The following DPYSL5 variants were observed in gnomAD, a reference collection of about 807,000 sequenced individuals.
The protein encoded by DPYSL5 is dihydropyrimidinase like 5, also known as dihydropyrimidinase-related protein 5.
In DPYSL5, 9 loss-of-function variants were observed where a neutral mutation model predicts 58.4. That is an observed-to-expected ratio of 0.15 (90% CI 0.09 to 0.27). DPYSL5 has a LOEUF of 0.27. DPYSL5 is among the 10% of genes least tolerant of loss of function. DPYSL5 has a pLI of 1.00. For synonymous variants in DPYSL5, 293 were observed against 301.9 expected (o/e 0.97, Z 0.31); for missense variants, 499 against 770.6 (o/e 0.65, Z 4.17).
chr2:26,887,783 G>T lies in DPYSL5; in HGVS notation c.-4-10713G>T, dbSNP rs900483963. Among the ~76,000 whole-genome samples, 3 of 150,110 alleles carry T rather than the reference G, an allele frequency of 2.0e-5. No individual in the cohort carries two copies. The East Asian group carries it at 5.8e-4, about 29-fold the overall frequency. The stretch of plus-strand genomic sequence containing the variant: ...GACTGCACTCCCTAGTTACAGTATT[G>T]TCCCCTCCCCACCATCCCACTTCCA... On this transcript the variant is annotated intron_variant, in intron 1 of 12. Coordinates refer to ENST00000288699, the MANE Select transcript of DPYSL5 (RefSeq NM_020134.4).
At chr2:26,940,720 G>C (rs1665296350) in intron 9 of DPYSL5, among the ~76,000 whole-genome samples, 1 of 151,338 alleles carries the variant, frequency 6.6e-6, no homozygotes, top group Non-Finnish European at 1.5e-5. Flanking sequence ...ACTATACCCT[G>C]AGTGTCTCCC....
intron 1 of DPYSL5, among the ~76,000 whole-genome samples, chr2:26,870,661 C>G (rs1172244444): frequency 1.3e-5 from 2 of 150,412 alleles, no homozygotes; most frequent in African/African-American, 2.5e-5. Flanking sequence ...AGCTATGATC[C>G]GCCACTGCAC....
chr2:26,947,324 G>A lies in DPYSL5; in HGVS notation c.*329G>A. ...CTTCCTCTCACTCCTGCCTCCGCTG[G>A]CTTTGGGAAAGCCCAGACTTTAGTG... On this transcript the variant is annotated 3_prime_UTR_variant, in exon 13 of 13. Transcript: ENST00000288699. This position sits in a 1 kb window ranked among gnomAD's most constrained non-coding sequence, Gnocchi z 4.2. 4.4e-6 allele frequency: 1 copy of A among 226,646 alleles called. No homozygotes were observed. The highest frequency in any genetic ancestry group is 8.8e-6 in the Non-Finnish European group (1 of 113,272). The allele number at this position is 226,646 out of a possible 1,614,324, so 14.0% of individuals were successfully genotyped here.
chr2:26,931,571 G>A (rs1664988538), intron 5 of DPYSL5, 69 bp from the exon 6 acceptor site: 18 of 1,595,802 alleles, frequency 1.1e-5, no homozygotes, highest in Admixed American at 1.7e-5. Context: ...ATGAAGGGGA[G>A]AGTATGGTGT....
chr2:26,931,589 C>T, intron 5 of DPYSL5, 51 bp from the exon 6 acceptor site: 1 of 1,609,928 alleles, frequency 6.2e-7, no homozygotes. Flanking sequence ...TGTGGGTATC[C>T]TTGGAGGAGA....
intron 1 of DPYSL5, among the ~76,000 whole-genome samples, chr2:26,869,565 A>C (rs2148115991): frequency 6.6e-6 from 1 of 152,194 alleles, no homozygotes; most frequent in Non-Finnish European, 1.5e-5. Flanking sequence ...TTAGTGTTTT[A>C]TTCTTTACAA....
chr2:26,869,291 T>C (rs1046318130), intron 1 of DPYSL5, among the ~76,000 whole-genome samples: 1 of 152,226 alleles, frequency 6.6e-6, no homozygotes, highest in African/African-American at 2.4e-5. Context: ...CTTTCTTTTT[T>C]GTTTGTAAAG....
intron 1 of DPYSL5, among the ~76,000 whole-genome samples, chr2:26,876,773 C>A (rs1041853758): frequency 4.6e-5 from 7 of 152,086 alleles, no homozygotes; most frequent in Non-Finnish European, 8.8e-5. Flanking sequence ...ACCTCGGCCT[C>A]CCAAAGCGCT....
In DPYSL5 at chr2:26,947,061, G is replaced by A; in HGVS notation, c.*66G>A. 1 of 1,397,328 alleles carries A rather than the reference G, an allele frequency of 7.2e-7. No individual in the cohort carries two copies. Among genetic ancestry groups the A allele is most frequent in the East Asian group, 2.4e-5 (1 of 41,110 alleles). 86.6% of individuals were successfully genotyped at this position (1,397,328 alleles called of 1,614,324 possible). A position where few individuals can be genotyped will look rare whatever the true frequency, so the allele number is the denominator to read the frequency against. On this transcript the variant is annotated 3_prime_UTR_variant, in exon 13 of 13. Transcript: ENST00000288699. This position sits in a 1 kb window ranked among gnomAD's most constrained non-coding sequence, Gnocchi z 4.2. ...ACCAGCCCGCAACTCTCCAGCCGAA[G>A]CTGCAGGGGCAGGAGAGGCTGGGCT...
Position 26,928,327 on chromosome 2 carries a change from A to G in DPYSL5, c.669+4A>G, listed in dbSNP as rs751550453. On this transcript the variant is annotated splice_donor_region_variant and intron_variant, in intron 5 of 12. Coordinates refer to ENST00000288699, the MANE Select transcript of DPYSL5 (RefSeq NM_020134.4). Reference sequence around the variant, plus strand: ...CGAGATCAGCCGTCCAGAGGAGGTGAGAAACACTTCCTGTAGCCTTTGTCA... The same window carrying G: ...CGAGATCAGCCGTCCAGAGGAGGTGGGAAACACTTCCTGTAGCCTTTGTCA... 1 of 1,613,736 alleles carries G rather than the reference A, an allele frequency of 6.2e-7. No individual in the cohort carries two copies. The highest frequency in any genetic ancestry group is 1.3e-5 in the African/African-American group (1 of 75,000).
rs1215485905 is a variant in DPYSL5, at chr2:26,905,557, TC to T, written c.261+6799del. Among the ~76,000 whole-genome samples the T allele has an allele frequency of 6.6e-6, 1 of 152,160 alleles. No individual in the cohort carries two copies. Among genetic ancestry groups the T allele is most frequent in the Non-Finnish European group, 1.5e-5 (1 of 68,022 alleles). ...TCGGCCCTCACCTCCCAGCTCGTTT[TC>T]CATGCTCGTTCTTCCTGCTGCCCTA... On this transcript the variant is annotated intron_variant, in intron 2 of 12. Transcript: ENST00000288699. The surrounding 1 kb of genome is among the most constrained non-coding windows in gnomAD (Gnocchi z 4.0).
At chr2:26,867,706 C>T (rs558872313) in intron 1 of DPYSL5, among the ~76,000 whole-genome samples, 3 of 152,068 alleles carry the variant, frequency 2.0e-5, no homozygotes, top group Non-Finnish European at 4.4e-5. Flanking sequence ...CCGCCCGCCT[C>T]GGCCTCCCAA....
At chr2:26,888,259 T>TTCTTTCTTTCTTTCTTTCTTTCTG (rs1663778330) in intron 1 of DPYSL5, among the ~76,000 whole-genome samples, 1 of 136,552 alleles carries the variant, frequency 7.3e-6, no homozygotes, top group South Asian at 2.3e-4. Flanking sequence ...CTTTCTTTCT[T>TTCTTTCTTTCTTTCTTTCTTTCTG]TCTTTCTGTC....
At chr2:26,884,755 A>G (rs1360879840) in intron 1 of DPYSL5, among the ~76,000 whole-genome samples, 1 of 152,194 alleles carries the variant, frequency 6.6e-6, no homozygotes, top group East Asian at 1.9e-4. Flanking sequence ...AGATGAACTC[A>G]TGGGATTAAA....
intron 1 of DPYSL5, among the ~76,000 whole-genome samples, chr2:26,861,415 T>C (rs1426658987): frequency 6.6e-6 from 1 of 152,226 alleles, no homozygotes; most frequent in Non-Finnish European, 1.5e-5. Context: ...CCTTCATCCC[T>C]TCCTTCAGGC....
In DPYSL5 at chr2:26,931,137, TAA is replaced by T. The variant is rs61652873; in HGVS notation, c.670-488_670-487del. Reference sequence around the variant, plus strand: ...CTGGGAGACAGAGTGAGACCCTATCTAAAAAAAAAAAAAAAATATATATATAT... The same window carrying T: ...CTGGGAGACAGAGTGAGACCCTATCTAAAAAAAAAAAAAATATATATATAT... On this transcript the variant is annotated intron_variant, in intron 5 of 12. Transcript: ENST00000288699. 4.7e-3 allele frequency among the ~76,000 whole-genome samples: 234 copies of T among 49,538 alleles called. 5 individuals carry two copies. The highest frequency in any genetic ancestry group is 0.017 in the Middle Eastern group (1 of 58). 32.5% of individuals were successfully genotyped at this position (49,538 alleles called of 152,430 possible).
intron 1 of DPYSL5, among the ~76,000 whole-genome samples, chr2:26,865,092 A>G (rs905680844): frequency 1.3e-5 from 2 of 152,204 alleles, no homozygotes; most frequent in African/African-American, 2.4e-5. Context: ...GTGTTTCTGT[A>G]TATTTAAATA....
At position 26,924,325 on chromosome 2, in the gene DPYSL5, G is replaced by A. The variant is rs934503538; in HGVS notation, c.262-562G>A. Among the ~76,000 whole-genome samples, 1 of 152,170 alleles carries A rather than the reference G, an allele frequency of 6.6e-6. No homozygotes were observed. Among genetic ancestry groups the A allele is most frequent in the Non-Finnish European group, 1.5e-5 (1 of 68,032 alleles). On this transcript the variant is annotated intron_variant, in intron 2 of 12. Transcript: ENST00000288699. This position sits in a 1 kb window ranked among gnomAD's most constrained non-coding sequence, Gnocchi z 4.7. The stretch of plus-strand genomic sequence containing the variant: ...ACAAAGACCCTGAGGTTGAAGATGC[G>A]TGCAAAATGTTTGAACAAAATTGCT...
intron 2 of DPYSL5, among the ~76,000 whole-genome samples, chr2:26,922,392 T>C (rs1664727005): frequency 6.6e-6 from 1 of 152,242 alleles, no homozygotes; most frequent in Non-Finnish European, 1.5e-5. Flanking sequence ...CCAGGCCCTT[T>C]TGGCCTTTAT....
Sources: allele counts gnomAD v4.1 joint callset (sites outside exome capture counted in the v4.1 genomes callset), GRCh38; gene constraint gnomAD v4.1.1; non-coding constraint Gnocchi (gnomAD v3.1); transcripts MANE v1.5; gene names NCBI Gene and HGNC (gene_info 2026-07-23, HGNC 2026-07-21).